Variants in UGT2A2 observed in about 807,000 individuals in gnomAD.
The protein encoded by UGT2A2 is UDP-glucuronosyltransferase 2A2.
UGT2A2 carries 60 observed loss-of-function variants against 50.7 expected under a neutral mutation model. That is an observed-to-expected ratio of 1.18 (90% confidence interval 0.96 to 1.47). The LOEUF (loss-of-function observed/expected upper bound fraction) is 1.47. UGT2A2 is among the 40% of genes most tolerant of loss of function. The pLI, the probability that UGT2A2 is intolerant of heterozygous loss-of-function variation, is 0.00. For missense variants in UGT2A2, 762 were observed against 634.0 expected, an observed-to-expected ratio of 1.20 and a Z score of -2.17; for synonymous variants, 242 against 214.6, an observed-to-expected ratio of 1.13 and a Z score of -1.11.
intron 1 of UGT2A2, among the ~76,000 whole-genome samples, chr4:69,612,907 G>GAAAAAA (rs34670944): frequency 7.1e-6 from 1 of 140,022 alleles, no homozygotes. Flanking sequence ...AACCTCTGCA[G>GAAAAAA]AAAAAAAAAA....
At chr4:69,637,565 A>C (rs1721780963) in intron 1 of UGT2A2, among the ~76,000 whole-genome samples, 1 of 152,028 alleles carries the variant, frequency 6.6e-6, no homozygotes, top group Non-Finnish European at 1.5e-5. Context: ...CACTTCCCTC[A>C]GGTCTTTGGC....
At chr4:69,638,316 T>A (rs1721835432) in intron 1 of UGT2A2, among the ~76,000 whole-genome samples, 1 of 152,070 alleles carries the variant, frequency 6.6e-6, no homozygotes, top group East Asian at 1.9e-4. Flanking sequence ...TTAACATTAT[T>A]GTGTTTGATT....
intron 1 of UGT2A2, among the ~76,000 whole-genome samples, chr4:69,608,409 G>A (rs12501520): frequency 0.16 from 22,624 of 142,088 alleles, 2,077 homozygotes; most frequent in Non-Finnish European, 0.21. Context: ...ATCACACACC[G>A]GGGCCTGTTG....
intron 5 of UGT2A2, among the ~76,000 whole-genome samples, chr4:69,591,866 A>T (rs1718613817): frequency 6.6e-6 from 1 of 152,234 alleles, no homozygotes; most frequent in African/African-American, 2.4e-5. Flanking sequence ...CTAATTGACT[A>T]GTCATTAAAG....
chr4:69,601,332 C>T (rs1047993642), intron 1 of UGT2A2, among the ~76,000 whole-genome samples: 1 of 152,132 alleles, frequency 6.6e-6, no homozygotes, highest in Non-Finnish European at 1.5e-5. Context: ...TGCACCTGCC[C>T]TGGTGGCTTA....
chr4:69,596,148 G>T, intron 3 of UGT2A2, 102 bp downstream of exon 3: 1 of 1,340,438 alleles, frequency 7.5e-7, no homozygotes, highest in Admixed American at 2.8e-5. Context: ...GTGATACTCA[G>T]TGTATAATGA....
intron 1 of UGT2A2, among the ~76,000 whole-genome samples, chr4:69,607,706 C>T (rs1014382221): frequency 5.9e-5 from 9 of 152,164 alleles, no homozygotes; most frequent in African/African-American, 9.7e-5. Flanking sequence ...CTACAATGAA[C>T]TCAAACAAAT....
At chr4:69,603,800 T>C (rs1719441604) in intron 1 of UGT2A2, among the ~76,000 whole-genome samples, 1 of 136,242 alleles carries the variant, frequency 7.3e-6, no homozygotes, top group Admixed American at 7.3e-5. Flanking sequence ...TTCAATCAAC[T>C]GGAAGAAAGG....
intron 1 of UGT2A2, among the ~76,000 whole-genome samples, chr4:69,615,449 G>A (rs1441549137): frequency 3.3e-5 from 5 of 151,728 alleles, no homozygotes; most frequent in Non-Finnish European, 5.9e-5. Context: ...CTACAAAATG[G>A]GAGAAAATAT....
chr4:69,629,488 A>G (rs780783341), intron 1 of UGT2A2, among the ~76,000 whole-genome samples: 49 of 152,052 alleles, frequency 3.2e-4, no homozygotes, highest in South Asian at 2.1e-4. Flanking sequence ...TATGTTATCA[A>G]TGTGATTTAC....
chr4:69,606,308 A>G (rs1357345503), intron 1 of UGT2A2, among the ~76,000 whole-genome samples: 2 of 136,572 alleles, frequency 1.5e-5, no homozygotes, highest in Non-Finnish European at 3.1e-5. Flanking sequence ...TATAAACAGA[A>G]CCAAAGACAA....
At chr4:69,621,249 T>C (rs1720737706) in intron 1 of UGT2A2, among the ~76,000 whole-genome samples, 1 of 152,044 alleles carries the variant, frequency 6.6e-6, no homozygotes, top group South Asian at 2.1e-4. Context: ...AAAGTATGCA[T>C]CTGACAAAGA....
rs1224616234 is a variant in UGT2A2 at position 69,606,347 on chromosome 4, G to C, written c.743-6953C>G. ...CCACATGATTATCTCAATAGATGCA[G>C]AAAAGGCCTTGAAAAAATTCAACAA... On this transcript the variant is annotated intron_variant, in intron 1 of 5. Coordinates refer to ENST00000604629, the MANE Select transcript of UGT2A2 (RefSeq NM_001105677.2). 1.0e-4 allele frequency among the ~76,000 whole-genome samples: 14 copies of C among 136,420 alleles called. 3 individuals are homozygous for C. The highest frequency in any genetic ancestry group is 3.9e-4 in the African/African-American group (13 of 33,484). 89.5% of individuals were successfully genotyped at this position (136,420 alleles called of 152,430 possible).
intron 2 of UGT2A2, 106 bp downstream of exon 2, chr4:69,599,140 C>T: frequency 2.8e-6 from 4 of 1,418,930 alleles, no homozygotes; most frequent in Non-Finnish European, 3.7e-6. Flanking sequence ...GAGTAGCAAA[C>T]TGAAATGTCC....
At chr4:69,611,070 G>A (rs1384049641) in intron 1 of UGT2A2, among the ~76,000 whole-genome samples, 1 of 151,954 alleles carries the variant, frequency 6.6e-6, no homozygotes, top group Non-Finnish European at 1.5e-5. Context: ...AGCAGAATAG[G>A]CAAATAATTT....
chr4:69,621,011 T>C (rs1451254643), intron 1 of UGT2A2, among the ~76,000 whole-genome samples: 1 of 151,964 alleles, frequency 6.6e-6, no homozygotes, highest in Non-Finnish European at 1.5e-5. Flanking sequence ...TCAAGATGGA[T>C]TAAAAACATA....
intron 5 of UGT2A2, among the ~76,000 whole-genome samples, chr4:69,592,648 G>T (rs1397510865): frequency 6.6e-6 from 1 of 151,958 alleles, no homozygotes; most frequent in African/African-American, 2.4e-5. Context: ...ACTATTGGAG[G>T]CAATCTCAAT....
intron 1 of UGT2A2, 51 bp from the exon 2 acceptor site, chr4:69,599,445 T>C: frequency 6.3e-7 from 1 of 1,584,592 alleles, no homozygotes; most frequent in Non-Finnish European, 8.5e-7. Flanking sequence ...ATATGTTTGC[T>C]GAGGAGAAAA....
intron 1 of UGT2A2, among the ~76,000 whole-genome samples, chr4:69,606,962 A>G (rs1719664796): frequency 7.3e-6 from 1 of 136,924 alleles, no homozygotes; most frequent in Admixed American, 7.2e-5. Flanking sequence ...ATGGGTAGGA[A>G]GAATCAATAT....
Sources: gnomAD v4.1 joint callset for allele counts (sites outside exome capture counted in the v4.1 genomes callset) on GRCh38, gnomAD v4.1.1 for gene constraint, MANE v1.5 for transcripts, NCBI Gene and HGNC (gene_info 2026-07-23, HGNC 2026-07-21) for gene names.